Variants in CPAP observed in about 807,000 individuals in gnomAD.
CPAP encodes centrosome assembly and centriole elongation protein, also known as centrosomal P4.1-associated protein.
the CPAP span, chr13:24,883,123 C>T: frequency 7.0e-7 from 1 of 1,427,756 alleles, no homozygotes; most frequent in Non-Finnish European, 9.9e-7. Flanking sequence ...AGTAAATGTA[C>T]ATTTTTTAAC....
At chr13:24,919,048 T>C in the CPAP span, among the ~76,000 whole-genome samples, 1 of 89,124 alleles carries the variant, frequency 1.1e-5, no homozygotes, top group African/African-American at 4.4e-5. Flanking sequence ...GAGAAAGAGA[T>C]AGAAATGAAA....
the CPAP span, chr13:24,905,521 T>C: frequency 1.2e-6 from 2 of 1,614,068 alleles, no homozygotes; most frequent in Non-Finnish European, 8.5e-7. Context: ...CAATCTTCCT[T>C]TTTATTGTTT....
At chr13:24,933,195 G>C in the CPAP span, 1 of 1,276,186 alleles carries the variant, frequency 7.8e-7, no homozygotes, top group South Asian at 1.2e-5. Context: ...GGGAACAACA[G>C]GGTCATGGTT....
At chr13:24,923,063 GA>G in the CPAP span, among the ~76,000 whole-genome samples, 4 of 152,232 alleles carry the variant, frequency 2.6e-5, no homozygotes, top group African/African-American at 9.6e-5. Context: ...TGGCGGGGCG[GA>G]AAACCGTTTC....
chr13:24,894,922 G>A, the CPAP span, among the ~76,000 whole-genome samples: 1 of 152,178 alleles, frequency 6.6e-6, no homozygotes, highest in Non-Finnish European at 1.5e-5. Context: ...GCCGGGAGGG[G>A]AAACTGGCAG....
chr13:24,918,941 T>C, the CPAP span, among the ~76,000 whole-genome samples: 1 of 151,610 alleles, frequency 6.6e-6, no homozygotes, highest in Non-Finnish European at 1.5e-5. Context: ...CAGAACTAAA[T>C]AGCCAACAAA....
chr13:24,915,680 C>T, the CPAP span, among the ~76,000 whole-genome samples: 1 of 152,112 alleles, frequency 6.6e-6, no homozygotes, highest in Admixed American at 6.6e-5. Context: ...TGGCGGGAGC[C>T]TGTAATCCCA....
At chr13:24,928,017 A>C in the CPAP span, among the ~76,000 whole-genome samples, 1 of 152,210 alleles carries the variant, frequency 6.6e-6, no homozygotes, top group Non-Finnish European at 1.5e-5. Flanking sequence ...TCATTCACAC[A>C]CGTGACCCCT....
the CPAP span, among the ~76,000 whole-genome samples, chr13:24,900,156 G>A: frequency 1.3e-5 from 2 of 151,528 alleles, no homozygotes; most frequent in South Asian, 4.1e-4. Flanking sequence ...TAACATGAAG[G>A]AAACCTGAAG....
At chr13:24,889,417 A>C in the CPAP span, 1 of 1,527,906 alleles carries the variant, frequency 6.5e-7, no homozygotes. Context: ...TATAAGAGAT[A>C]ATTTTTTATT....
the CPAP span, among the ~76,000 whole-genome samples, chr13:24,920,756 G>A: frequency 6.7e-6 from 1 of 150,268 alleles, no homozygotes; most frequent in Non-Finnish European, 1.5e-5. Context: ...GAGTAGCTGG[G>A]ACTACAAGCA....
chr13:24,901,455 C>A, the CPAP span, among the ~76,000 whole-genome samples: 1 of 152,118 alleles, frequency 6.6e-6, no homozygotes, highest in Non-Finnish European at 1.5e-5. Flanking sequence ...GAGAAGAAGC[C>A]TCAGATGCTG....
chr13:24,929,212 T>C, the CPAP span, among the ~76,000 whole-genome samples: 1 of 152,144 alleles, frequency 6.6e-6, no homozygotes, highest in Non-Finnish European at 1.5e-5. Flanking sequence ...CACAGGCATG[T>C]GCCACCACAT....
At chr13:24,924,329 T>C in the CPAP span, among the ~76,000 whole-genome samples, 1 of 69,580 alleles carries the variant, frequency 1.4e-5, no homozygotes. Context: ...AGTCGCAATA[T>C]CCTCTATTTT....
chr13:24,911,096 A>G, the CPAP span, among the ~76,000 whole-genome samples: 2 of 152,212 alleles, frequency 1.3e-5, no homozygotes, highest in African/African-American at 4.8e-5. Flanking sequence ...AAACTATGGG[A>G]CACAATCTAT....
chr13:24,923,551 G>A, the CPAP span, among the ~76,000 whole-genome samples: 1 of 152,062 alleles, frequency 6.6e-6, no homozygotes, highest in Non-Finnish European at 1.5e-5. Context: ...TAACTGCCAC[G>A]GCCCTTTAAT....
chr13:24,892,537 C>T, the CPAP span: 6 of 887,628 alleles, frequency 6.8e-6, no homozygotes, highest in African/African-American at 8.1e-5. Context: ...CCACTGCCCC[C>T]CCAGCCCCTG....
the CPAP span, among the ~76,000 whole-genome samples, chr13:24,884,925 C>A: frequency 2.6e-5 from 4 of 152,188 alleles, no homozygotes; most frequent in African/African-American, 9.7e-5. Flanking sequence ...TAGCTGGAAC[C>A]CCCAGGCAGT....
chr13:24,888,392 G>A, the CPAP span, among the ~76,000 whole-genome samples: 1 of 152,082 alleles, frequency 6.6e-6, no homozygotes, highest in Non-Finnish European at 1.5e-5. Context: ...AATTTTAAAT[G>A]GACAAAGGAA....
Sources: allele counts gnomAD v4.1 joint callset (sites outside exome capture counted in the v4.1 genomes callset), GRCh38; gene constraint gnomAD v4.1.1; transcripts MANE v1.5; gene names NCBI Gene and HGNC (gene_info 2026-07-23, HGNC 2026-07-21).